Variants in RNPS1 observed in about 807,000 individuals in gnomAD.
RNPS1 encodes the protein RNA binding protein with serine rich domain 1.
For synonymous variants in RNPS1, 147 were observed against 150.0 expected (o/e 0.98, Z 0.15); for missense variants, 300 against 427.6 (o/e 0.70, Z 2.63).
At chr16:2,259,396 TTCG>T (rs1174365977) in intron 6 of RNPS1, among the ~76,000 whole-genome samples, 1 of 152,228 alleles carries the variant, frequency 6.6e-6, no homozygotes, top group African/African-American at 2.4e-5. Context: ...GCTAACAAAT[TTCG>T]TCAATTGTGT....
rs201744566 is a variant in RNPS1, at chr16:2,253,932, A to C, written c.*32T>G. The C allele has an allele frequency of 1.5e-5, 23 of 1,534,158 alleles. No homozygotes were observed. The East Asian group carries it at 5.4e-4, about 36-fold the overall frequency. On this transcript the variant is annotated 3_prime_UTR_variant, in exon 8 of 8. Transcript: ENST00000320225. ...GACAAAACTGAGCTGGGTGGGGTATAAGTTACAGGGGCGAGAGCTTCAGTG... is the reference window on the plus strand; with the variant it reads ...GACAAAACTGAGCTGGGTGGGGTATCAGTTACAGGGGCGAGAGCTTCAGTG...
chr16:2,267,107 T>C, intron 1 of RNPS1: 2 of 848,488 alleles, frequency 2.4e-6, no homozygotes, highest in Non-Finnish European at 2.8e-6. Context: ...TAAGAACCAC[T>C]GAGTAAGCGG....
At chr16:2,259,758 C>T (rs1321785313) in intron 6 of RNPS1, among the ~76,000 whole-genome samples, 3 of 152,056 alleles carry the variant, frequency 2.0e-5, no homozygotes, top group Admixed American at 6.5e-5. Context: ...GTGTGGTGGC[C>T]GGTGCCTGCA....
In RNPS1 at chr16:2,266,440, GTTTGA is replaced by G. The variant is rs530072362; in HGVS notation, c.-118+1610_-118+1614del. Reference sequence around the variant, plus strand: ...TAGAGTCTGGAGCCAGAGGGCCTGGGTTTGATTTGAGGTTTTACTGTGTGATTTTA... The same window carrying G: ...TAGAGTCTGGAGCCAGAGGGCCTGGGTTTGAGGTTTTACTGTGTGATTTTA... On this transcript the variant is annotated intron_variant, in intron 1 of 7. Coordinates refer to ENST00000320225, the MANE Select transcript of RNPS1 (RefSeq NM_080594.4). 1.7e-4 allele frequency: 164 copies of G among 976,238 alleles called. No homozygotes were observed. In the Middle Eastern group the frequency reaches 2.1e-3, roughly 13 times the overall value. The allele number at this position is 976,238 out of a possible 1,614,324, so 60.5% of individuals were successfully genotyped here. A position where few individuals can be genotyped will look rare whatever the true frequency, so the allele number is the denominator to read the frequency against.
intron 6 of RNPS1, among the ~76,000 whole-genome samples, chr16:2,260,147 CTTTTTTTTTTTTTTT>C (rs776703032): frequency 4.1e-5 from 3 of 72,432 alleles, no homozygotes; most frequent in South Asian, 4.7e-4. Flanking sequence ...TGTGTGTATT[CTTTTTTTTTTTTTTT>C]TTTTTTTTTT....
At chr16:2,267,488 T>G in intron 1 of RNPS1, 15 of 1,005,122 alleles carry the variant, frequency 1.5e-5, no homozygotes, top group Non-Finnish European at 1.8e-5. Flanking sequence ...CCCCACGGCC[T>G]AGCGCCGATA....
chr16:2,265,466 T>G (rs1354733187), intron 1 of RNPS1: 1 of 150,898 alleles, frequency 6.6e-6, no homozygotes, highest in African/African-American at 2.4e-5. Context: ...GAAACGTAAC[T>G]TATAGACTAT....
intron 6 of RNPS1, chr16:2,257,175 G>C (rs1416074036): frequency 6.6e-6 from 1 of 152,208 alleles, no homozygotes; most frequent in Non-Finnish European, 1.5e-5. Context: ...GCAAACCCAG[G>C]AACCCCAGGG....
rs182109658 is a variant in RNPS1 at position 2,254,711 on chromosome 16, G to C, written c.819-648C>G. ...CTCCCAAAGTGCTGGGATTACAGGC[G>C]ATTGCTACCACACGTGGCAAAGTTT... is the stretch of plus-strand genomic sequence containing the variant. On this transcript the variant is annotated intron_variant, in intron 7 of 7. Coordinates refer to ENST00000320225, the MANE Select transcript of RNPS1 (RefSeq NM_080594.4). 4.7e-5 allele frequency among the ~76,000 whole-genome samples: 7 copies of C among 148,230 alleles called. No homozygotes were observed. The East Asian group carries it at 1.4e-3, about 30-fold the overall frequency.
chr16:2,267,095 A>G (rs577862655), intron 1 of RNPS1: 11 of 819,664 alleles, frequency 1.3e-5, no homozygotes, highest in African/African-American at 1.1e-4. Context: ...CACTCCAAAC[A>G]CTAAGAACCA....
intron 6 of RNPS1, among the ~76,000 whole-genome samples, chr16:2,259,771 C>T (rs1329126359): frequency 6.6e-6 from 1 of 152,168 alleles, no homozygotes; most frequent in African/African-American, 2.4e-5. Context: ...TGCCTGCAGT[C>T]CCAGCTACTC....
intron 7 of RNPS1, among the ~76,000 whole-genome samples, chr16:2,254,574 G>A (rs1393605956): frequency 6.6e-6 from 1 of 151,970 alleles, no homozygotes; most frequent in Non-Finnish European, 1.5e-5. Flanking sequence ...TGGGATTACA[G>A]GCGTGAGCCA....
At chr16:2,267,800 C>G (rs1451813769) in intron 1 of RNPS1, 5 of 1,435,658 alleles carry the variant, frequency 3.5e-6, no homozygotes, top group Non-Finnish European at 4.5e-6. Context: ...GCGGGCCTGG[C>G]TGGGCCACCG....
At chr16:2,259,930 C>G (rs1409077580) in intron 6 of RNPS1, among the ~76,000 whole-genome samples, 1 of 152,250 alleles carries the variant, frequency 6.6e-6, no homozygotes, top group Admixed American at 6.5e-5. Flanking sequence ...TCAAGCAGGG[C>G]AGAAATTAAC....
chr16:2,262,330 T>C lies in RNPS1; in HGVS notation c.624A>G (p.Val208=). ...CGGCTTCATCTGGATTCTCAAACTCTACGTACGCATAGCCTTTGGACAGAT... is the reference window on the plus strand; with the variant it reads ...CGGCTTCATCTGGATTCTCAAACTCCACGTACGCATAGCCTTTGGACAGAT... ...HPHLSKGYAY[V]EFENPDEAEK... Residue 208 remains valine (V), a synonymous_variant, in exon 6 of 8, where the codon GTA becomes GTG. Transcript: ENST00000320225. The C allele has an allele frequency of 6.2e-7, 1 of 1,614,052 alleles. No individual in the cohort carries two copies. The highest frequency in any genetic ancestry group is 8.5e-7 in the Non-Finnish European group (1 of 1,180,024).
chr16:2,259,348 A>G (rs1048176593), intron 6 of RNPS1, among the ~76,000 whole-genome samples: 2 of 152,198 alleles, frequency 1.3e-5, no homozygotes, highest in Admixed American at 6.5e-5. Context: ...GATCAGTAAT[A>G]ATTATAATTG....
In RNPS1 at chr16:2,254,292, C is replaced by T. The variant is rs1403948782; in HGVS notation, c.819-229G>A. ...CTGGGACTACAGGCGCGCGCCACCA[C>T]GCCCAGCTAATTTTTGTGTGTGTAT... On this transcript the variant is annotated intron_variant, in intron 7 of 7. Transcript: ENST00000320225. Among the ~76,000 whole-genome samples the T allele has an allele frequency of 3.3e-5, 5 of 152,276 alleles. No homozygotes were observed. The East Asian group carries it at 5.8e-4, about 18-fold the overall frequency.
intron 6 of RNPS1, chr16:2,258,816 A>G (rs563127191): frequency 6.6e-6 from 1 of 152,024 alleles, no homozygotes; most frequent in African/African-American, 2.4e-5. Flanking sequence ...TTTTTCTGTA[A>G]ATTAAGCATT....
intron 1 of RNPS1, chr16:2,266,587 G>A (rs2093626065): frequency 1.0e-6 from 1 of 985,098 alleles, no homozygotes; most frequent in South Asian, 4.7e-5. Context: ...AGGAGCAAGA[G>A]TTGTATCTCC....
Sources: allele counts gnomAD v4.1 joint callset (sites outside exome capture counted in the v4.1 genomes callset), GRCh38; gene constraint gnomAD v4.1.1; transcripts MANE v1.5; gene names NCBI Gene and HGNC (gene_info 2026-07-23, HGNC 2026-07-21).